The following ATCAY variants were observed in gnomAD, a reference collection of about 807,000 sequenced individuals.
ATCAY encodes the protein caytaxin.
ATCAY carries 22 observed loss-of-function variants against 47.7 expected under a neutral mutation model. That is an observed-to-expected ratio of 0.46 (90% CI 0.33 to 0.66). ATCAY has a LOEUF of 0.66. ATCAY is among the 30% of genes least tolerant of loss of function. ATCAY has a pLI of 0.02. For missense variants in ATCAY, 452 were observed against 515.0 expected, an observed-to-expected ratio of 0.88 and a Z score of 1.18; for synonymous variants, 216 against 207.6, an observed-to-expected ratio of 1.04 and a Z score of -0.35.
chr19:3,907,906 G>T lies in ATCAY; in HGVS notation c.531G>T (p.Val177=). 4 of 1,613,574 alleles carry T rather than the reference G, an allele frequency of 2.5e-6. No homozygotes were observed. The highest frequency in any genetic ancestry group is 3.4e-6 in the Non-Finnish European group (4 of 1,179,700). The change falls in exon 5 of 13, where the codon GTG becomes GTT. Residue 177 remains valine (V), a synonymous_variant. Coordinates refer to ENST00000450849, the MANE Select transcript of ATCAY (RefSeq NM_033064.5). The surrounding 1 kb of genome is among the most constrained non-coding windows in gnomAD (Gnocchi z 5.1). The part of the protein sequence containing the change: ...DLHMIRPYMK[V]VTHGGYYGEG... ...ACATGATCCGGCCTTACATGAAAGTGGTCACCCACGGAGGTGAGACCCGCC... is the reference window on the plus strand; with the variant it reads ...ACATGATCCGGCCTTACATGAAAGTTGTCACCCACGGAGGTGAGACCCGCC...
At chr19:3,899,108 A>G (rs1439600151) in intron 2 of ATCAY, among the ~76,000 whole-genome samples, 1 of 152,136 alleles carries the variant, frequency 6.6e-6, no homozygotes, top group African/African-American at 2.4e-5. Context: ...CTTTGCCATG[A>G]ACAGGAGGAG....
At chr19:3,890,559 G>A (rs1568444325) in intron 2 of ATCAY, among the ~76,000 whole-genome samples, 1 of 151,972 alleles carries the variant, frequency 6.6e-6, no homozygotes, top group African/African-American at 2.4e-5. Flanking sequence ...CACCACACCC[G>A]GCCTCCACCG....
intron 1 of ATCAY, among the ~76,000 whole-genome samples, chr19:3,883,351 A>T (rs969552678): frequency 4.6e-5 from 7 of 152,172 alleles, no homozygotes; most frequent in African/African-American, 1.7e-4. Context: ...CAAAAAAAAA[A>T]TGACAACAAA....
At chr19:3,909,734 C>A in intron 7 of ATCAY, 117 bp downstream of exon 7, 1 of 1,426,302 alleles carries the variant, frequency 7.0e-7, no homozygotes, top group South Asian at 1.3e-5. Flanking sequence ...GGGAAGGTCC[C>A]TTGAGCCCAG....
chr19:3,893,237 G>C (rs1035748790), intron 2 of ATCAY, among the ~76,000 whole-genome samples: 1 of 145,872 alleles, frequency 6.9e-6, no homozygotes, highest in Non-Finnish European at 1.5e-5. Flanking sequence ...GCAGTAGCAT[G>C]ATCTCAGCTC....
rs1042189481 is a variant in ATCAY, at chr19:3,924,880, C to T, written c.*288C>T. On this transcript the variant is annotated 3_prime_UTR_variant, in exon 13 of 13. Coordinates refer to ENST00000450849, the MANE Select transcript of ATCAY (RefSeq NM_033064.5). The stretch of plus-strand genomic sequence containing the variant: ...ACTCTCAGCCGAGGAAGGCAAGAAG[C>T]GCAGGGGGTGGCCCGCGTGGCGTCG... The T allele has an allele frequency of 1.4e-5, 6 of 425,590 alleles. No individual in the cohort carries two copies. Among genetic ancestry groups the T allele is most frequent in the African/African-American group, 6.0e-5 (3 of 49,886 alleles). The allele number at this position is 425,590 out of a possible 1,614,324, so 26.4% of individuals were successfully genotyped here. A position where few individuals can be genotyped will look rare whatever the true frequency, so the allele number is the denominator to read the frequency against.
At position 3,880,836 on chromosome 19, in the gene ATCAY, G is replaced by C. The variant is rs2038591170; in HGVS notation, c.-214G>C. On this transcript the variant is annotated 5_prime_UTR_variant, in exon 1 of 13. Coordinates refer to ENST00000450849, the MANE Select transcript of ATCAY (RefSeq NM_033064.5). The stretch of plus-strand genomic sequence containing the variant: ...CACCCCTGCACAAAAGAGCTGGCGG[G>C]CGCTGGCCACGTCGCCCTGGGTGAC... 1 of 152,420 alleles carries C rather than the reference G, an allele frequency of 6.6e-6. No individual in the cohort carries two copies. Among genetic ancestry groups the C allele is most frequent in the Non-Finnish European group, 1.5e-5 (1 of 68,214 alleles). 9.4% of individuals were successfully genotyped at this position (152,420 alleles called of 1,614,324 possible). A position where few individuals can be genotyped will look rare whatever the true frequency, so the allele number is the denominator to read the frequency against.
intron 11 of ATCAY, among the ~76,000 whole-genome samples, chr19:3,919,445 A>G (rs923579251): frequency 6.6e-6 from 1 of 151,866 alleles, no homozygotes; most frequent in African/African-American, 2.4e-5. Flanking sequence ...TACAAAAATT[A>G]GCTGGGCATG....
intron 2 of ATCAY, among the ~76,000 whole-genome samples, chr19:3,891,392 A>C (rs1350189843): frequency 6.6e-6 from 1 of 151,798 alleles, no homozygotes; most frequent in East Asian, 1.9e-4. Context: ...TCTGCAGCCT[A>C]CTACGGAGCT....
intron 2 of ATCAY, among the ~76,000 whole-genome samples, chr19:3,890,592 C>A (rs2038708952): frequency 6.6e-6 from 1 of 152,066 alleles, no homozygotes; most frequent in Non-Finnish European, 1.5e-5. Flanking sequence ...GCTCTCATCT[C>A]ACCCAAGCCT....
At chr19:3,903,125 C>A (rs192013508) in intron 3 of ATCAY, among the ~76,000 whole-genome samples, 1 of 152,080 alleles carries the variant, frequency 6.6e-6, no homozygotes, top group East Asian at 1.9e-4. Context: ...AGGTGCACAC[C>A]ACCATGGCTG....
chr19:3,903,605 C>T (rs918316177), intron 3 of ATCAY, among the ~76,000 whole-genome samples: 3 of 150,808 alleles, frequency 2.0e-5, no homozygotes, highest in Admixed American at 2.0e-4. Flanking sequence ...CTCACTGCAG[C>T]CTCAACCTCC....
At chr19:3,921,969 G>A (rs767894690) in intron 12 of ATCAY, among the ~76,000 whole-genome samples, 2 of 152,072 alleles carry the variant, frequency 1.3e-5, no homozygotes, top group Non-Finnish European at 2.9e-5. Flanking sequence ...AGGAGAGATC[G>A]GGTGGAAGCC....
intron 9 of ATCAY, among the ~76,000 whole-genome samples, chr19:3,915,483 C>A (rs921302109): frequency 2.0e-5 from 3 of 151,614 alleles, no homozygotes; most frequent in Admixed American, 2.0e-4. Context: ...CTGCGCCCGG[C>A]CTATCTTAGC....
intron 1 of ATCAY, 35 bp from the exon 2 acceptor site, chr19:3,885,692 C>T: frequency 7.8e-7 from 1 of 1,279,284 alleles, no homozygotes; most frequent in South Asian, 1.3e-5. Flanking sequence ...GGACTATTGT[C>T]CAGTAAAACC....
Position 3,907,825 on chromosome 19 carries a change from C to A in ATCAY, c.450C>A (p.Asn150Lys). Reference sequence around the variant, plus strand: ...CGACGGAGGACGGCAGCGCCGCCAACGGGCGCCTGTGGCGGACAGTGATCA... The same window carrying A: ...CGACGGAGGACGGCAGCGCCGCCAAAGGGCGCCTGTGGCGGACAGTGATCA... ...DGTTEDGSAA[N>K]GRLWRTVIIG... The change falls in exon 5 of 13, where the codon AAC becomes AAA. Residue 150 changes from asparagine to lysine, a missense_variant. Transcript: ENST00000450849. This position sits in a 1 kb window ranked among gnomAD's most constrained non-coding sequence, Gnocchi z 5.1. The A allele has an allele frequency of 1.9e-6, 3 of 1,613,970 alleles. No individual in the cohort carries two copies. Among genetic ancestry groups the A allele is most frequent in the Non-Finnish European group, 2.5e-6 (3 of 1,179,862 alleles).
Position 3,888,705 on chromosome 19 carries a change from A to G in ATCAY, c.77+2861A>G, listed in dbSNP as rs1301342423. ...CCGGAGGGCAGAACGAGGCCAAAAGAACGAACTTAAAAGAGAATGGGGTTT... is the reference window on the plus strand; with the variant it reads ...CCGGAGGGCAGAACGAGGCCAAAAGGACGAACTTAAAAGAGAATGGGGTTT... On this transcript the variant is annotated intron_variant, in intron 2 of 12. Coordinates refer to ENST00000450849, the MANE Select transcript of ATCAY (RefSeq NM_033064.5). 2.0e-5 allele frequency among the ~76,000 whole-genome samples: 3 copies of G among 152,212 alleles called. No individual in the cohort carries two copies. The East Asian group carries it at 5.8e-4, about 29-fold the overall frequency.
chr19:3,909,537 G>T lies in ATCAY; in HGVS notation c.699G>T (p.Val233=), dbSNP rs748150320. Residue 233 remains valine, a synonymous_variant, in exon 7 of 13, where the codon GTG becomes GTT. Coordinates refer to ENST00000450849, the MANE Select transcript of ATCAY (RefSeq NM_033064.5). ...ELLVAEDYMI[V]YLNGATPRRR... is the part of the protein sequence containing the mutation. ...TGGTGGCTGAGGACTACATGATCGTGTACCTGAACGGTGCCACGCCCCGGC... is the reference window on the plus strand; with the variant it reads ...TGGTGGCTGAGGACTACATGATCGTTTACCTGAACGGTGCCACGCCCCGGC... 2 of 1,613,760 alleles carry T rather than the reference G, an allele frequency of 1.2e-6. No individual in the cohort carries two copies. Among genetic ancestry groups the T allele is most frequent in the East Asian group, 4.5e-5 (2 of 44,842 alleles).
At chr19:3,891,192 C>T (rs2038715334) in intron 2 of ATCAY, among the ~76,000 whole-genome samples, 1 of 152,032 alleles carries the variant, frequency 6.6e-6, no homozygotes, top group Non-Finnish European at 1.5e-5. Context: ...GCTGGGATTA[C>T]AGGTACGCAC....
Sources: allele counts gnomAD v4.1 joint callset (sites outside exome capture counted in the v4.1 genomes callset), GRCh38; gene constraint gnomAD v4.1.1; non-coding constraint Gnocchi (gnomAD v3.1); transcripts MANE v1.5; gene names NCBI Gene and HGNC (gene_info 2026-07-23, HGNC 2026-07-21).